INPP4B: variants seen among roughly 807,000 people sequenced by gnomAD.
INPP4B encodes the protein inositol polyphosphate 4-phosphatase type II.
INPP4B carries 55 observed loss-of-function variants against 122.5 expected under a neutral mutation model. The observed-to-expected ratio is 0.45, with a 90% CI of 0.36 to 0.56. The LOEUF is 0.56. Ranked by LOEUF, INPP4B falls within the 20% of genes least tolerant of loss-of-function variation. INPP4B has a pLI of 0.00. For synonymous variants in INPP4B, 403 were observed against 388.7 expected, an observed-to-expected ratio of 1.04 and a Z score of -0.43; for missense variants, 1,000 against 1,097.7, an observed-to-expected ratio of 0.91 and a Z score of 1.26.
At chr4:142,222,055 G>T (rs1299828303) in intron 12 of INPP4B, among the ~76,000 whole-genome samples, 1 of 152,192 alleles carries the variant, frequency 6.6e-6, no homozygotes, top group Non-Finnish European at 1.5e-5. Context: ...TGCCTCCTGG[G>T]CTCAAGCCAT....
intron 2 of INPP4B, among the ~76,000 whole-genome samples, chr4:142,509,854 C>G (rs2149859316): frequency 6.6e-6 from 1 of 152,258 alleles, no homozygotes; most frequent in South Asian, 2.1e-4. Flanking sequence ...TGCATGCTCA[C>G]TGCTTAACCC....
chr4:142,634,633 A>G (rs1318203239), intron 2 of INPP4B, among the ~76,000 whole-genome samples: 1 of 152,160 alleles, frequency 6.6e-6, no homozygotes, highest in Non-Finnish European at 1.5e-5. Flanking sequence ...TTTACCATTT[A>G]TTCCTGATTA....
intron 2 of INPP4B, among the ~76,000 whole-genome samples, chr4:142,566,451 G>A (rs1731643536): frequency 6.6e-6 from 1 of 152,188 alleles, no homozygotes; most frequent in African/African-American, 2.4e-5. Context: ...TGTCTATGCA[G>A]AAGGTGAGTC....
chr4:142,214,659 T>G (rs1656963480), intron 12 of INPP4B, among the ~76,000 whole-genome samples: 1 of 152,142 alleles, frequency 6.6e-6, no homozygotes, highest in African/African-American at 2.4e-5. Flanking sequence ...TTCCAGTGAT[T>G]CTCCTGCCTC....
intron 10 of INPP4B, among the ~76,000 whole-genome samples, chr4:142,261,842 C>T (rs1009860649): frequency 6.6e-6 from 1 of 152,180 alleles, no homozygotes; most frequent in Non-Finnish European, 1.5e-5. Context: ...TCATAACATT[C>T]ATCACATTAC....
chr4:142,726,022 C>T (rs1765305750), intron 1 of INPP4B, 121 bp from the exon 2 acceptor site: 1 of 385,756 alleles, frequency 2.6e-6, no homozygotes, highest in Non-Finnish European at 4.6e-6. Flanking sequence ...ACAAAATATT[C>T]AGCTCCATTC....
intron 12 of INPP4B, among the ~76,000 whole-genome samples, chr4:142,216,484 C>G (rs1412214967): frequency 6.6e-6 from 1 of 152,178 alleles, no homozygotes; most frequent in Non-Finnish European, 1.5e-5. Flanking sequence ...AATGTCTATT[C>G]AGGAAACATC....
At position 142,261,683 on chromosome 4, in the gene INPP4B, G is replaced by C. The variant is rs935164886; in HGVS notation, c.616-1119C>G. On this transcript the variant is annotated intron_variant, in intron 10 of 25. Transcript: ENST00000262992. The stretch of plus-strand genomic sequence containing the variant: ...TCCACCTCTCCTTCCCCAGGCACTG[G>C]CCCTCTTTAAGAATCATGTACACTG... Among the ~76,000 whole-genome samples, 11 of 152,020 alleles carry C rather than the reference G, an allele frequency of 7.2e-5. No individual in the cohort carries two copies. In the South Asian group the frequency reaches 2.3e-3, roughly 32 times the overall value.
intron 2 of INPP4B, among the ~76,000 whole-genome samples, chr4:142,546,105 G>T (rs968087170): frequency 6.6e-6 from 1 of 151,616 alleles, no homozygotes; most frequent in African/African-American, 2.4e-5. Context: ...CCTTTGAAAG[G>T]ACCCAATGTG....
At chr4:142,726,006 C>A in intron 1 of INPP4B, 105 bp from the exon 2 acceptor site, 1 of 389,860 alleles carries the variant, frequency 2.6e-6, no homozygotes, top group South Asian at 1.4e-4. Context: ...AGAAGAAAAT[C>A]ATTTAACAAA....
chr4:142,774,804 T>C (rs1392476162), intron 1 of INPP4B, among the ~76,000 whole-genome samples: 3 of 152,060 alleles, frequency 2.0e-5, no homozygotes, highest in Non-Finnish European at 4.4e-5. Context: ...ACATGCAGTT[T>C]CTCTTATTAT....
intron 2 of INPP4B, among the ~76,000 whole-genome samples, chr4:142,555,602 C>A (rs1261768280): frequency 6.6e-6 from 1 of 152,098 alleles, no homozygotes; most frequent in African/African-American, 2.4e-5. Flanking sequence ...GGCGTGGTGG[C>A]TCATGCCTGT....
chr4:142,193,050 T>C, intron 15 of INPP4B, 37 bp downstream of exon 15: 1 of 1,245,850 alleles, frequency 8.0e-7, no homozygotes, highest in African/African-American at 1.5e-5. Context: ...GGAGATGTTA[T>C]TAATGGAATC....
At position 142,532,448 on chromosome 4, in the gene INPP4B, CA is replaced by C. The variant is rs1329653133; in HGVS notation, c.-190-69723del. Among the ~76,000 whole-genome samples the C allele has an allele frequency of 2.2e-4, 33 of 152,092 alleles. 1 individual carries two copies. The highest frequency in any genetic ancestry group is 9.8e-4 in the Admixed American group (15 of 15,256). On this transcript the variant is annotated intron_variant, in intron 2 of 25. Coordinates refer to ENST00000262992, the MANE Select transcript of INPP4B (RefSeq NM_001101669.3). ...AGGGAACATTTTCCTAACCTCCATC[CA>C]AGGAGGTGAAATCTTTCCATTACAT...
chr4:142,156,433 T>A (rs543342481), intron 17 of INPP4B, among the ~76,000 whole-genome samples: 4 of 152,238 alleles, frequency 2.6e-5, no homozygotes, highest in Non-Finnish European at 4.4e-5. Context: ...GAAGCATCTG[T>A]TGCAGAGATG....
intron 2 of INPP4B, among the ~76,000 whole-genome samples, chr4:142,717,977 G>C (rs1764019635): frequency 6.6e-6 from 1 of 150,912 alleles, no homozygotes. Flanking sequence ...CAAGATGTTA[G>C]GAAAGGGGAG....
chr4:142,074,810 C>CA (rs1424388219), intron 25 of INPP4B, among the ~76,000 whole-genome samples: 1 of 151,608 alleles, frequency 6.6e-6, no homozygotes, highest in Non-Finnish European at 1.5e-5. Flanking sequence ...TAAACGTAAG[C>CA]AAAATCACTT....
At chr4:142,588,168 T>G (rs564058388) in intron 2 of INPP4B, among the ~76,000 whole-genome samples, 69 of 152,034 alleles carry the variant, frequency 4.5e-4, no homozygotes, top group Non-Finnish European at 8.0e-4. Context: ...TTTATTTAAC[T>G]TATCTACAAA....
At chr4:142,196,066 A>C (rs756207069) in intron 14 of INPP4B, among the ~76,000 whole-genome samples, 14 of 152,208 alleles carry the variant, frequency 9.2e-5, no homozygotes, top group Non-Finnish European at 1.3e-4. Flanking sequence ...AAAGGAGAAG[A>C]AGCATGTTGT....
Sources: allele counts gnomAD v4.1 joint callset (sites outside exome capture counted in the v4.1 genomes callset), GRCh38; gene constraint gnomAD v4.1.1; transcripts MANE v1.5; gene names NCBI Gene and HGNC (gene_info 2026-07-23, HGNC 2026-07-21).